KLHL32: variants seen among roughly 807,000 people sequenced by gnomAD.
The protein encoded by KLHL32 is kelch like family member 32.
KLHL32 carries 35 observed loss-of-function variants against 64.8 expected under a neutral mutation model. The ratio of observed to expected loss-of-function variants is 0.54; its 90% CI spans 0.41 to 0.72. KLHL32 has a LOEUF of 0.72. Among genes scored for constraint, KLHL32 ranks in the 30% least tolerant of loss-of-function variants. The pLI, the probability that KLHL32 is intolerant of heterozygous loss-of-function variation, is 0.00. For missense variants in KLHL32, 589 were observed against 768.5 expected (o/e 0.77, Z 2.76); for synonymous variants, 259 against 281.0 (o/e 0.92, Z 0.78).
At chr6:97,056,795 T>A (rs1449946761) in intron 4 of KLHL32, among the ~76,000 whole-genome samples, 5 of 152,140 alleles carry the variant, frequency 3.3e-5, no homozygotes, top group Admixed American at 3.3e-4. Context: ...TCTCAGCACT[T>A]TGGGAGGCCA....
chr6:97,055,805 A>AAC (rs1787742919), intron 4 of KLHL32, among the ~76,000 whole-genome samples: 1 of 141,146 alleles, frequency 7.1e-6, no homozygotes, highest in African/African-American at 3.0e-5. Context: ...CTAAAAAAAA[A>AAC]AAAAAAAAAA....
At chr6:96,958,202 A>G (rs1219529139) in intron 1 of KLHL32, among the ~76,000 whole-genome samples, 4 of 152,220 alleles carry the variant, frequency 2.6e-5, no homozygotes, top group Non-Finnish European at 5.9e-5. Context: ...CTTATTGTCT[A>G]GGGAAGGGTT....
intron 4 of KLHL32, among the ~76,000 whole-genome samples, chr6:97,048,794 T>C (rs1438554509): frequency 6.6e-6 from 1 of 152,242 alleles, no homozygotes; most frequent in Non-Finnish European, 1.5e-5. Context: ...TCCATTTATA[T>C]GGAGAAAGTC....
rs537537087 is a variant in KLHL32, at chr6:96,999,317, G to A, written c.204+23140G>A. ...AGGCTAAGGTGGGAGGGTCATTTGA[G>A]CCTGGGAAGTCGAGGCTGCAGTGAG... is the stretch of plus-strand genomic sequence containing the variant. On this transcript the variant is annotated intron_variant, in intron 3 of 10. Coordinates refer to ENST00000369261, the MANE Select transcript of KLHL32 (RefSeq NM_052904.4). 4.6e-5 allele frequency among the ~76,000 whole-genome samples: 7 copies of A among 152,280 alleles called. No individual in the cohort carries two copies. The South Asian group carries it at 1.5e-3, about 32-fold the overall frequency.
chr6:97,132,745 C>G lies in KLHL32; in HGVS notation c.1699C>G (p.Gln567Glu). 1.9e-6 allele frequency: 3 copies of G among 1,604,722 alleles called. No homozygotes were observed. The highest frequency in any genetic ancestry group is 2.6e-6 in the Non-Finnish European group (3 of 1,174,118). ...IWTNEPLACI[Q>E]VLDVSREGKE... ...GACAAATGAGCCTCTGGCTTGTATCCAGGTGAGTGGTAGAAGTTCCTTTTG... is the reference window on the plus strand; with the variant it reads ...GACAAATGAGCCTCTGGCTTGTATCGAGGTGAGTGGTAGAAGTTCCTTTTG... The change falls in exon 10 of 11, where the codon CAG becomes GAG. Residue 567 changes from glutamine (Q) to glutamate (E), a missense_variant and splice_region_variant. This residue lies in a region of KLHL32 where 172 missense variants were observed against 192.0 expected (regional missense o/e 0.90). Transcript: ENST00000369261.
intron 10 of KLHL32, among the ~76,000 whole-genome samples, chr6:97,133,296 G>A (rs1347528838): frequency 2.6e-5 from 4 of 152,168 alleles, no homozygotes; most frequent in African/African-American, 9.7e-5. Flanking sequence ...TGCCAGCTGG[G>A]CCTTTCAGAA....
chr6:97,132,637 A>C lies in KLHL32; in HGVS notation c.1607-16A>C. 1 of 1,561,742 alleles carries C rather than the reference A, an allele frequency of 6.4e-7. No homozygotes were observed. Among genetic ancestry groups the C allele is most frequent in the Non-Finnish European group, 8.8e-7 (1 of 1,138,800 alleles). On this transcript the variant is annotated splice_polypyrimidine_tract_variant and intron_variant, in intron 9 of 10. Transcript: ENST00000369261. ...AATGGATTTTTTTTCTTTTTATTCA[A>C]TTCTCTTTACTTTAGGCCAAAATGA...
rs185562273 is a variant in KLHL32, at chr6:97,016,134, G to A, written c.205-25358G>A. The stretch of plus-strand genomic sequence containing the variant: ...CAATGCAGAAGGGAAATGTGGGGTC[G>A]GAGCCCCCACACAGAGTCCCCACTG... On this transcript the variant is annotated intron_variant, in intron 3 of 10. Coordinates refer to ENST00000369261, the MANE Select transcript of KLHL32 (RefSeq NM_052904.4). Among the ~76,000 whole-genome samples, 95 of 152,338 alleles carry A rather than the reference G, an allele frequency of 6.2e-4. No homozygotes were observed. In the East Asian group the frequency reaches 0.013, roughly 20 times the overall value.
intron 7 of KLHL32, among the ~76,000 whole-genome samples, chr6:97,121,969 T>C (rs1459296162): frequency 6.6e-6 from 1 of 152,186 alleles, no homozygotes; most frequent in African/African-American, 2.4e-5. Flanking sequence ...AGTTTGACCC[T>C]GCTGGGAATG....
At chr6:96,983,781 T>C (rs532975744) in intron 3 of KLHL32, among the ~76,000 whole-genome samples, 1 of 152,350 alleles carries the variant, frequency 6.6e-6, no homozygotes, top group East Asian at 1.9e-4. Flanking sequence ...TTCTTCTTTA[T>C]TAGTCTTGCT....
intron 2 of KLHL32, among the ~76,000 whole-genome samples, chr6:96,969,527 A>G (rs1468298809): frequency 6.6e-6 from 1 of 152,170 alleles, no homozygotes; most frequent in Non-Finnish European, 1.5e-5. Context: ...CGATCTATTC[A>G]TATTTCCATG....
At chr6:97,112,655 C>G (rs1200618026) in intron 6 of KLHL32, among the ~76,000 whole-genome samples, 1 of 151,812 alleles carries the variant, frequency 6.6e-6, no homozygotes, top group Admixed American at 6.6e-5. Flanking sequence ...CCATGTTGGC[C>G]AGGCTGGACT....
intron 6 of KLHL32, among the ~76,000 whole-genome samples, chr6:97,100,738 T>TGATTTCAG (rs1318365702): frequency 1.1e-4 from 16 of 151,900 alleles, no homozygotes; most frequent in African/African-American, 3.9e-4. Flanking sequence ...ATTGAAGATT[T>TGATTTCAG]GATTTCAGAT....
intron 3 of KLHL32, among the ~76,000 whole-genome samples, chr6:97,018,260 T>A (rs1781499332): frequency 6.6e-6 from 1 of 152,126 alleles, no homozygotes; most frequent in Admixed American, 6.5e-5. Flanking sequence ...AATATTTTAG[T>A]AATCACAAAA....
At chr6:96,939,703 G>A (rs1336090191) in intron 1 of KLHL32, among the ~76,000 whole-genome samples, 1 of 152,128 alleles carries the variant, frequency 6.6e-6, no homozygotes, top group African/African-American at 2.4e-5. Flanking sequence ...AGGACGGGTA[G>A]AGAAGGACTG....
intron 7 of KLHL32, among the ~76,000 whole-genome samples, chr6:97,115,954 T>G (rs1468415803): frequency 6.6e-6 from 1 of 151,708 alleles, no homozygotes; most frequent in African/African-American, 2.4e-5. Context: ...TCTGACAAAA[T>G]TCTCCCTTGC....
intron 3 of KLHL32, among the ~76,000 whole-genome samples, chr6:96,983,276 G>C (rs1294030138): frequency 6.6e-6 from 1 of 152,282 alleles, no homozygotes; most frequent in Non-Finnish European, 1.5e-5. Flanking sequence ...GCTGGATTTG[G>C]ATTGCCAGTA....
intron 3 of KLHL32, among the ~76,000 whole-genome samples, chr6:97,020,174 C>T (rs573054358): frequency 6.7e-6 from 1 of 149,180 alleles, no homozygotes; most frequent in African/African-American, 2.6e-5. Context: ...AACTCCTGAC[C>T]TCATGATCCA....
chr6:97,116,734 C>T (rs1247998751), intron 7 of KLHL32, among the ~76,000 whole-genome samples: 1 of 152,194 alleles, frequency 6.6e-6, no homozygotes. Flanking sequence ...CTAGATCCGT[C>T]GTCCTGGTAT....
Sources: gnomAD v4.1 joint callset for allele counts (sites outside exome capture counted in the v4.1 genomes callset) on GRCh38, gnomAD v4.1.1 for gene constraint, gnomAD v4.1.1 regional missense constraint, MANE v1.5 for transcripts, NCBI Gene and HGNC (gene_info 2026-07-23, HGNC 2026-07-21) for gene names.